GON4L: variants seen among roughly 807,000 people sequenced by gnomAD.
GON4L encodes GON-4-like protein.
In GON4L, 87 loss-of-function variants were observed where a neutral mutation model predicts 211.8. That is an observed-to-expected ratio of 0.41 (90% confidence interval 0.35 to 0.49). The LOEUF is 0.49. Among genes scored for constraint, GON4L ranks in the 20% least tolerant of loss-of-function variants. The probability of loss-of-function intolerance (pLI) is 0.15; values close to 1 mark genes in which losing one functional copy is unlikely to be tolerated. For synonymous variants in GON4L, 875 were observed against 962.6 expected, an observed-to-expected ratio of 0.91 and a Z score of 1.68; for missense variants, 2,155 against 2,659.5, an observed-to-expected ratio of 0.81 and a Z score of 4.17.
intron 12 of GON4L, among the ~76,000 whole-genome samples, chr1:155,792,335 A>G (rs899158287): frequency 1.3e-5 from 2 of 151,824 alleles, no homozygotes; most frequent in Non-Finnish European, 2.9e-5. Flanking sequence ...CAAGAGGCAG[A>G]AAAAAAAATT....
intron 19 of GON4L, among the ~76,000 whole-genome samples, chr1:155,768,402 A>G (rs954143119): frequency 6.6e-6 from 1 of 151,080 alleles, no homozygotes; most frequent in African/African-American, 2.4e-5. Context: ...CGAGGTCAGG[A>G]GATTGAGACC....
Position 155,752,175 on chromosome 1 carries a change from C to T in GON4L, c.6258G>A (p.Lys2086=), listed in dbSNP as rs756668868. The T allele has an allele frequency of 3.1e-6, 5 of 1,613,550 alleles. No individual in the cohort carries two copies. The African/African-American group carries it at 6.7e-5, about 22-fold the overall frequency. The change falls in exon 30 of 32, where the codon AAG becomes AAA. Residue 2086 remains lysine (K), a synonymous_variant. Transcript: ENST00000368331. Reference sequence around the variant, plus strand: ...GGACAGGGCACGTCCTGTCTCTTGTCTTCACCCGAGCTCTGCTTGAGGGCA... The same window carrying T: ...GGACAGGGCACGTCCTGTCTCTTGTTTTCACCCGAGCTCTGCTTGAGGGCA... ...RWLPSSRARV[K]TRDRTCPVHE...
intron 12 of GON4L, among the ~76,000 whole-genome samples, chr1:155,792,149 G>C (rs1309872952): frequency 6.6e-6 from 1 of 152,082 alleles, no homozygotes; most frequent in Non-Finnish European, 1.5e-5. Flanking sequence ...GGACTAAAAA[G>C]GCCACCTCAG....
At position 155,822,282 on chromosome 1, in the gene GON4L, T is replaced by G; in HGVS notation, c.888+4A>C. The G allele has an allele frequency of 6.2e-7, 1 of 1,610,262 alleles. No individual in the cohort carries two copies. Among genetic ancestry groups the G allele is most frequent in the Non-Finnish European group, 8.5e-7 (1 of 1,176,418 alleles). On this transcript the variant is annotated splice_donor_region_variant and intron_variant, in intron 4 of 31. Coordinates refer to ENST00000368331, the MANE Select transcript of GON4L (RefSeq NM_001282860.2). Reference sequence around the variant, plus strand: ...ATTTACATAACTGCCCCAGTCTTACTCACATGAAGGATGTTTCGGACATTG... The same window carrying G: ...ATTTACATAACTGCCCCAGTCTTACGCACATGAAGGATGTTTCGGACATTG...
At chr1:155,840,842 G>C (rs1010309949) in intron 2 of GON4L, among the ~76,000 whole-genome samples, 1 of 152,140 alleles carries the variant, frequency 6.6e-6, no homozygotes, top group South Asian at 2.1e-4. Context: ...AGATCAGCCT[G>C]ACCAACATGG....
intron 11 of GON4L, 71 bp from the exon 12 acceptor site, chr1:155,795,222 G>C: frequency 1.1e-6 from 1 of 902,344 alleles, no homozygotes; most frequent in Admixed American, 1.7e-5. Flanking sequence ...TTCCAATAAA[G>C]CACATTTATT....
At chr1:155,852,883 C>G (rs900889804) in intron 2 of GON4L, among the ~76,000 whole-genome samples, 3 of 152,174 alleles carry the variant, frequency 2.0e-5, no homozygotes, top group Admixed American at 2.0e-4. Context: ...GAGGCCAAGG[C>G]AAACGTATCA....
intron 18 of GON4L, among the ~76,000 whole-genome samples, 161 bp downstream of exon 18, chr1:155,772,905 A>G (rs946063744): frequency 2.0e-5 from 3 of 152,158 alleles, no homozygotes; most frequent in African/African-American, 7.2e-5. Flanking sequence ...CTGCTAGAAC[A>G]AGCACGTCCT....
chr1:155,839,119 T>C (rs1440852502), intron 2 of GON4L, among the ~76,000 whole-genome samples: 1 of 152,172 alleles, frequency 6.6e-6, no homozygotes, highest in African/African-American at 2.4e-5. Flanking sequence ...ATCTAAAGGT[T>C]GATTCAAATT....
At chr1:155,799,778 C>T (rs1475994947) in intron 11 of GON4L, among the ~76,000 whole-genome samples, 2 of 152,218 alleles carry the variant, frequency 1.3e-5, no homozygotes, top group East Asian at 3.8e-4. Context: ...CCAATAGCTA[C>T]CATCTTAGGC....
chr1:155,767,277 A>G, intron 20 of GON4L, 148 bp downstream of exon 20: 6 of 1,559,382 alleles, frequency 3.8e-6, no homozygotes, highest in Non-Finnish European at 5.2e-6. Flanking sequence ...GAAGGGCAGA[A>G]AAGTAAGGGA....
chr1:155,830,085 G>A (rs958475548), intron 2 of GON4L, among the ~76,000 whole-genome samples: 2 of 151,906 alleles, frequency 1.3e-5, no homozygotes, highest in African/African-American at 4.8e-5. Context: ...CGAGTAGCTG[G>A]GATTACAGGC....
chr1:155,791,527 A>G (rs1329611540), intron 12 of GON4L, among the ~76,000 whole-genome samples: 4 of 151,348 alleles, frequency 2.6e-5, no homozygotes, highest in Admixed American at 6.6e-5. Flanking sequence ...ATCTTTTAAT[A>G]TGTACACTTG....
At chr1:155,843,653 C>T (rs2885676) in intron 2 of GON4L, among the ~76,000 whole-genome samples, 142,422 of 152,158 alleles carry the variant, frequency 0.94, 67,419 homozygotes, top group East Asian at 1. Flanking sequence ...GGAGGGCAAA[C>T]GGGATCCCAC....
chr1:155,757,245 G>A lies in GON4L; in HGVS notation c.5332C>T (p.Arg1778Cys), dbSNP rs372943625. The A allele has an allele frequency of 1.9e-6, 3 of 1,613,940 alleles. No homozygotes were observed. Among genetic ancestry groups the A allele is most frequent in the South Asian group, 2.2e-5 (2 of 91,074 alleles). The part of the protein sequence containing the change: ...DEFSIFFDHL[R>C]PAASRMGDFE... ...TCACCCATCCGGCTAGCTGCTGGGCGCAAGTGGTCAAAGAAGATAGAAAAC... is the reference window on the plus strand; with the variant it reads ...TCACCCATCCGGCTAGCTGCTGGGCACAAGTGGTCAAAGAAGATAGAAAAC... Residue 1778 changes from arginine to cysteine, a missense_variant, in exon 26 of 32, where the codon CGC (arginine) becomes TGC (cysteine). Arg to Cys is a radical substitution (Grantham distance 180). This residue lies in a region of GON4L where 455 missense variants were observed against 504.6 expected (regional missense o/e 0.90). Coordinates refer to ENST00000368331, the MANE Select transcript of GON4L (RefSeq NM_001282860.2).
intron 1 of GON4L, among the ~76,000 whole-genome samples, chr1:155,854,348 G>A (rs1672085554): frequency 6.6e-6 from 1 of 152,054 alleles, no homozygotes; most frequent in African/African-American, 2.4e-5. Context: ...GTAGAGATGG[G>A]GTTTCACCGT....
intron 2 of GON4L, among the ~76,000 whole-genome samples, chr1:155,833,149 C>T (rs1007318804): frequency 6.6e-6 from 1 of 151,996 alleles, no homozygotes; most frequent in Non-Finnish European, 1.5e-5. Flanking sequence ...TATTTAAATC[C>T]GGATATCTGT....
intron 2 of GON4L, among the ~76,000 whole-genome samples, chr1:155,842,314 G>A (rs1365945819): frequency 6.6e-6 from 1 of 151,950 alleles, no homozygotes. Context: ...TACGAGATCA[G>A]GAGATGGAGA....
chr1:155,792,575 A>G (rs1224962634), intron 12 of GON4L, among the ~76,000 whole-genome samples: 3 of 152,238 alleles, frequency 2.0e-5, no homozygotes, highest in Non-Finnish European at 4.4e-5. Context: ...GGGAATGCAA[A>G]GCAAGAAGAT....
Sources: gnomAD v4.1 joint callset for allele counts (sites outside exome capture counted in the v4.1 genomes callset) on GRCh38, gnomAD v4.1.1 for gene constraint, gnomAD v4.1.1 regional missense constraint, MANE v1.5 for transcripts, NCBI Gene and HGNC (gene_info 2026-07-23, HGNC 2026-07-21) for gene names.